RAB8B: variants seen among roughly 807,000 people sequenced by gnomAD.
The protein encoded by RAB8B is RAB8B, member RAS oncogene family, also known as ras-related protein Rab-8B.
RAB8B carries 11 observed loss-of-function variants against 32.0 expected under a neutral mutation model. The ratio of observed to expected loss-of-function variants is 0.34; its 90% CI spans 0.22 to 0.57. The LOEUF is 0.57. Ranked by LOEUF, RAB8B falls within the 20% of genes least tolerant of loss-of-function variation. The probability of loss-of-function intolerance (pLI) is 0.86; values close to 1 mark genes in which losing one functional copy is unlikely to be tolerated. For missense variants in RAB8B, 190 were observed against 258.5 expected, an observed-to-expected ratio of 0.73 and a Z score of 1.82; for synonymous variants, 103 against 89.6, an observed-to-expected ratio of 1.15 and a Z score of -0.85.
intron 2 of RAB8B, 79 bp from the exon 3 acceptor site, chr15:63,249,561 GAATTA>G: frequency 7.6e-7 from 1 of 1,312,544 alleles, no homozygotes; most frequent in South Asian, 1.2e-5. Context: ...GAGCAGACTA[GAATTA>G]CATCTCCTAC....
chr15:63,192,661 T>C (rs887808614), intron 1 of RAB8B, among the ~76,000 whole-genome samples: 10 of 152,272 alleles, frequency 6.6e-5, no homozygotes, highest in African/African-American at 2.4e-4. Context: ...GTCAAAGTTT[T>C]AGTAGTTTTA....
chr15:63,213,872 G>C (rs1328792690), intron 1 of RAB8B, among the ~76,000 whole-genome samples: 2 of 152,164 alleles, frequency 1.3e-5, no homozygotes, highest in Non-Finnish European at 2.9e-5. Flanking sequence ...CACGAGGTCA[G>C]GAGTTCGAGA....
At chr15:63,196,776 C>T (rs1193745550) in intron 1 of RAB8B, among the ~76,000 whole-genome samples, 2 of 152,020 alleles carry the variant, frequency 1.3e-5, no homozygotes, top group African/African-American at 2.4e-5. Context: ...TGTTACTTCC[C>T]CCAGTATAAA....
chr15:63,250,571 A>G (rs968662226), intron 3 of RAB8B, among the ~76,000 whole-genome samples: 3 of 152,058 alleles, frequency 2.0e-5, no homozygotes, highest in Admixed American at 6.6e-5. Context: ...AAGATGCTTC[A>G]TCTATTCAGT....
intron 1 of RAB8B, among the ~76,000 whole-genome samples, chr15:63,199,680 T>G (rs927284099): frequency 1.3e-5 from 2 of 152,272 alleles, no homozygotes; most frequent in South Asian, 4.1e-4. Context: ...TGTTTCTTTG[T>G]GGGCTTTTTT....
intron 1 of RAB8B, among the ~76,000 whole-genome samples, chr15:63,229,363 T>TA (rs2037915310): frequency 1.3e-5 from 2 of 152,224 alleles, no homozygotes; most frequent in Non-Finnish European, 2.9e-5. Context: ...TTCGGTATCT[T>TA]ATGTGTCAGT....
chr15:63,242,795 T>C (rs1330726138), intron 1 of RAB8B, among the ~76,000 whole-genome samples: 1 of 152,022 alleles, frequency 6.6e-6, no homozygotes, highest in East Asian at 1.9e-4. Flanking sequence ...ATAGCAGTGG[T>C]CCCCAACCTT....
At chr15:63,262,853 C>T in intron 7 of RAB8B, 111 bp downstream of exon 7, 1 of 337,328 alleles carries the variant, frequency 3.0e-6, no homozygotes, top group Non-Finnish European at 5.2e-6. Context: ...TTTCCTGACT[C>T]AGATACTCAT....
intron 1 of RAB8B, among the ~76,000 whole-genome samples, chr15:63,216,564 T>A (rs1595738107): frequency 6.6e-6 from 1 of 151,154 alleles, no homozygotes; most frequent in Non-Finnish European, 1.5e-5. Context: ...ACCACTGATT[T>A]AAAAGTTCTG....
chr15:63,220,233 C>T (rs2037832800), intron 1 of RAB8B, among the ~76,000 whole-genome samples: 1 of 152,170 alleles, frequency 6.6e-6, no homozygotes. Context: ...GGTAGCAGAA[C>T]CTTTCGTTCT....
chr15:63,226,118 G>A (rs1015322134), intron 1 of RAB8B, among the ~76,000 whole-genome samples: 1 of 152,170 alleles, frequency 6.6e-6, no homozygotes, highest in Admixed American at 6.5e-5. Flanking sequence ...GGGATTACAG[G>A]TGTGAGCCAC....
chr15:63,245,741 T>C (rs1321032299), intron 2 of RAB8B, among the ~76,000 whole-genome samples: 1 of 152,270 alleles, frequency 6.6e-6, no homozygotes, highest in Admixed American at 6.5e-5. Context: ...TTGGATATTC[T>C]TGGATTTTGG....
intron 1 of RAB8B, among the ~76,000 whole-genome samples, chr15:63,218,366 A>G (rs1216756783): frequency 6.6e-6 from 1 of 152,154 alleles, no homozygotes; most frequent in Non-Finnish European, 1.5e-5. Context: ...AGTGCTAGCT[A>G]TTTTTATTAA....
rs56015501 is a variant in RAB8B, at chr15:63,229,780, C to CAAAAAAAAAAAAAAAA, written c.125-14961_125-14946dup. ...TAGGTGACAGAGCAAGACGCTGTTTCAAAAAAAAAAAAAAAAAAAAAAAAA... is the reference window on the plus strand; with the variant it reads ...TAGGTGACAGAGCAAGACGCTGTTTCAAAAAAAAAAAAAAAAAAAAAAAAAAAAAAAAAAAAAAAAA... On this transcript the variant is annotated intron_variant, in intron 1 of 7. Transcript: ENST00000321437. Among the ~76,000 whole-genome samples, 3 of 35,986 alleles carry CAAAAAAAAAAAAAAAA rather than the reference C, an allele frequency of 8.3e-5. 1 individual carries two copies. The highest frequency in any genetic ancestry group is 1.3e-4 in the Non-Finnish European group (2 of 15,870). The allele number at this position is 35,986 out of a possible 152,430, so 23.6% of individuals were successfully genotyped here.
chr15:63,237,359 G>A (rs772545353), intron 1 of RAB8B, among the ~76,000 whole-genome samples: 1 of 152,170 alleles, frequency 6.6e-6, no homozygotes, highest in Non-Finnish European at 1.5e-5. Context: ...CCCACAGTGT[G>A]CAAGGGTTCC....
Position 63,192,647 on chromosome 15 carries a change from CT to C in RAB8B, c.124+2902del, listed in dbSNP as rs374941673. Among the ~76,000 whole-genome samples the C allele has an allele frequency of 4.3e-3, 657 of 152,284 alleles. 3 individuals carry two copies. The highest frequency in any genetic ancestry group is 0.015 in the African/African-American group (634 of 41,562). On this transcript the variant is annotated intron_variant, in intron 1 of 7. Coordinates refer to ENST00000321437, the MANE Select transcript of RAB8B (RefSeq NM_016530.3). Reference sequence around the variant, plus strand: ...AGATACATTTTAAGTCTTAATTTTGCTTTGTCAAAGTTTTAGTAGTTTTAAA... The same window carrying C: ...AGATACATTTTAAGTCTTAATTTTGCTTGTCAAAGTTTTAGTAGTTTTAAA...
chr15:63,236,873 A>G (rs2037985103), intron 1 of RAB8B, among the ~76,000 whole-genome samples: 1 of 152,158 alleles, frequency 6.6e-6, no homozygotes, highest in South Asian at 2.1e-4. Flanking sequence ...TTTTGTACCC[A>G]TTAACCATTA....
chr15:63,263,703 A>G lies in RAB8B; in HGVS notation c.*84A>G. 1.8e-6 allele frequency: 2 copies of G among 1,108,384 alleles called. No homozygotes were observed. Among genetic ancestry groups the G allele is most frequent in the Non-Finnish European group, 1.4e-6 (1 of 737,242 alleles). 68.7% of individuals were successfully genotyped at this position (1,108,384 alleles called of 1,614,324 possible). On this transcript the variant is annotated 3_prime_UTR_variant, in exon 8 of 8. Transcript: ENST00000321437. ...GCACAGGTCACCCAGCCTCAGAATCACACCTCCCGGCTGCTGCTGAGAGCA... is the reference window on the plus strand; with the variant it reads ...GCACAGGTCACCCAGCCTCAGAATCGCACCTCCCGGCTGCTGCTGAGAGCA...
At chr15:63,193,627 C>T (rs534332839) in intron 1 of RAB8B, among the ~76,000 whole-genome samples, 16 of 152,096 alleles carry the variant, frequency 1.1e-4, no homozygotes, top group South Asian at 1.0e-3. Context: ...CCGGCTAATA[C>T]GGTGAACCCC....
Sources: allele counts gnomAD v4.1 joint callset (sites outside exome capture counted in the v4.1 genomes callset), GRCh38; gene constraint gnomAD v4.1.1; transcripts MANE v1.5; gene names NCBI Gene and HGNC (gene_info 2026-07-23, HGNC 2026-07-21).